PRH1: variants seen among roughly 807,000 people sequenced by gnomAD.
The protein encoded by PRH1 is salivary acidic proline-rich phosphoprotein 1/2.
In PRH1, 7 loss-of-function variants were observed where a neutral mutation model predicts 7.9. That is an observed-to-expected ratio of 0.89 (90% confidence interval 0.50 to 1.67). PRH1 has a LOEUF of 1.67. Ranked by LOEUF, PRH1 falls within the 40% of genes most tolerant of loss-of-function variation. The pLI is 0.00. For synonymous variants in PRH1, 45 were observed against 80.8 expected, an observed-to-expected ratio of 0.56 and a Z score of 2.38; for missense variants, 109 against 223.6, an observed-to-expected ratio of 0.49 and a Z score of 3.27.
chr12:10,988,186 C>G (rs1939747215), intron 1 of PRH1, among the ~76,000 whole-genome samples: 1 of 152,076 alleles, frequency 6.6e-6, no homozygotes, highest in Non-Finnish European at 1.5e-5. Context: ...GCTTAGAAAA[C>G]CTGAATCCAA....
intron 1 of PRH1, among the ~76,000 whole-genome samples, chr12:11,100,804 A>G (rs1286025505): frequency 1.3e-5 from 2 of 152,140 alleles, no homozygotes; most frequent in Admixed American, 6.6e-5. Context: ...TATTTTTTAT[A>G]CCTTAAAAAA....
In PRH1 at chr12:11,088,614, T is replaced by C. The variant is rs549842923; in HGVS notation, n.124-41426A>G. On this transcript the variant is annotated intron_variant and non_coding_transcript_variant, in intron 1 of 4. Transcript: ENST00000541977. Reference sequence around the variant, plus strand: ...ATCACTACAAAAGAGACCCAGTATTTTGGGGGCCTATTGGGATTTTGGAGA... The same window carrying C: ...ATCACTACAAAAGAGACCCAGTATTCTGGGGGCCTATTGGGATTTTGGAGA... 3.3e-4 allele frequency among the ~76,000 whole-genome samples: 37 copies of C among 112,992 alleles called. 8 individuals carry two copies. Among genetic ancestry groups the C allele is most frequent in the African/African-American group, 1.1e-3 (37 of 33,512 alleles). 74.1% of individuals were successfully genotyped at this position (112,992 alleles called of 152,430 possible).
chr12:10,971,827 C>T (rs1344516021), intron 2 of PRH1, among the ~76,000 whole-genome samples: 1 of 151,904 alleles, frequency 6.6e-6, no homozygotes, highest in Non-Finnish European at 1.5e-5. Context: ...TAAAACGTAA[C>T]TTTAGTTCAA....
chr12:11,030,220 C>G (rs1203873986), intron 1 of PRH1, among the ~76,000 whole-genome samples: 5 of 102,102 alleles, frequency 4.9e-5, no homozygotes, highest in Non-Finnish European at 9.7e-5. Flanking sequence ...TTTTCATACA[C>G]ACATAAACAC....
chr12:10,952,211 G>A (rs11054082), intron 2 of PRH1, among the ~76,000 whole-genome samples: 3,009 of 152,120 alleles, frequency 0.02, 34 homozygotes, highest in South Asian at 0.031. Context: ...TTGAATAGAT[G>A]TAATAGGTTC....
At chr12:11,036,537 T>G (rs564217196) in intron 1 of PRH1, among the ~76,000 whole-genome samples, 18 of 152,368 alleles carry the variant, frequency 1.2e-4, no homozygotes, top group Non-Finnish European at 1.6e-4. Context: ...GTTACTCGCT[T>G]TATCTTTCTT....
chr12:11,042,979 A>G (rs1361243929), intron 1 of PRH1, among the ~76,000 whole-genome samples: 1 of 152,058 alleles, frequency 6.6e-6, no homozygotes, highest in Non-Finnish European at 1.5e-5. Flanking sequence ...CCAGACAAAG[A>G]CACATTGAAA....
intron 1 of PRH1, chr12:11,021,870 G>C: frequency 6.2e-7 from 1 of 1,614,222 alleles, no homozygotes; most frequent in Non-Finnish European, 8.5e-7. Context: ...ATAACATGAG[G>C]AAGGAGGTCA....
intron 1 of PRH1, among the ~76,000 whole-genome samples, chr12:11,005,448 TA>T (rs1377413918): frequency 2.8e-4 from 43 of 152,144 alleles, no homozygotes; most frequent in African/African-American, 1.0e-3. Context: ...TTGTTGTAAC[TA>T]GAATCATGAC....
At chr12:11,101,601 G>A (rs922933947) in intron 1 of PRH1, among the ~76,000 whole-genome samples, 12 of 151,760 alleles carry the variant, frequency 7.9e-5, no homozygotes, top group Non-Finnish European at 2.9e-5. Flanking sequence ...AGAATATGCT[G>A]CATCACCCTA....
chr12:10,894,114 T>G (rs1949613295), intron 2 of PRH1, among the ~76,000 whole-genome samples: 1 of 152,168 alleles, frequency 6.6e-6, no homozygotes, highest in Admixed American at 6.5e-5. Flanking sequence ...TCTTCTATAT[T>G]TTTATTTACT....
intron 2 of PRH1, among the ~76,000 whole-genome samples, chr12:10,919,907 CTT>C (rs34966041): frequency 2.7e-5 from 4 of 145,510 alleles, no homozygotes; most frequent in African/African-American, 5.1e-5. Flanking sequence ...TTTTTTTAAT[CTT>C]TTTTTTTTTT....
intron 1 of PRH1, among the ~76,000 whole-genome samples, chr12:11,090,104 T>C (rs1944828701): frequency 1.7e-5 from 2 of 116,236 alleles, no homozygotes; most frequent in South Asian, 4.7e-4. Context: ...AATTTAGCTG[T>C]GAACAGGACT....
chr12:11,162,367 C>T (rs1026590097), intron 1 of PRH1, among the ~76,000 whole-genome samples: 6 of 152,082 alleles, frequency 3.9e-5, no homozygotes, highest in Non-Finnish European at 7.4e-5. Flanking sequence ...GTCAGCCTGC[C>T]CCTAATCATC....
At chr12:10,943,914 G>A (rs1950444423) in intron 2 of PRH1, among the ~76,000 whole-genome samples, 1 of 152,102 alleles carries the variant, frequency 6.6e-6, no homozygotes, top group African/African-American at 2.4e-5. Context: ...TCTCTATTCT[G>A]TTCCATTGGT....
rs572152344 is a variant in PRH1 at position 10,969,088 on chromosome 12, G to A, written c.-59+4567C>T. On this transcript the variant is annotated intron_variant, in intron 2 of 3. Coordinates refer to the PRH1 transcript ENST00000539853. ...TGGTAAATGAGGGAGATTTTATTTT[G>A]ATGGAAGTGACTCTCAGCAGGAAGG... 2.6e-5 allele frequency among the ~76,000 whole-genome samples: 4 copies of A among 152,292 alleles called. No individual in the cohort carries two copies. In the East Asian group the frequency reaches 7.7e-4, roughly 29 times the overall value.
chr12:11,045,388 A>G (rs779183386), intron 1 of PRH1, among the ~76,000 whole-genome samples: 1 of 152,138 alleles, frequency 6.6e-6, no homozygotes, highest in African/African-American at 2.4e-5. Flanking sequence ...ACTATAATCA[A>G]TGATAATTCA....
At chr12:11,079,941 G>A (rs1002076569) in intron 1 of PRH1, among the ~76,000 whole-genome samples, 4 of 125,520 alleles carry the variant, frequency 3.2e-5, no homozygotes, top group African/African-American at 1.1e-4. Flanking sequence ...ATTATAACTA[G>A]ACTGCACACT....
intron 1 of PRH1, among the ~76,000 whole-genome samples, chr12:11,150,811 A>G (rs1477004497): frequency 3.9e-5 from 6 of 152,214 alleles, no homozygotes; most frequent in Admixed American, 3.9e-4. Flanking sequence ...CCTAAAACTT[A>G]AAGTATAATA....
Sources: gnomAD v4.1 joint callset for allele counts (sites outside exome capture counted in the v4.1 genomes callset) on GRCh38, gnomAD v4.1.1 for gene constraint, MANE v1.5 for transcripts, NCBI Gene and HGNC (gene_info 2026-07-23, HGNC 2026-07-21) for gene names.